NIPA1: variants seen among roughly 807,000 people sequenced by gnomAD.
The protein encoded by NIPA1 is NIPA magnesium transporter 1, also known as magnesium transporter NIPA1.
In NIPA1, 13 loss-of-function variants were observed where a neutral mutation model predicts 23.9. The ratio of observed to expected loss-of-function variants is 0.54; its 90% CI spans 0.35 to 0.87. The LOEUF (loss-of-function observed/expected upper bound fraction) is 0.87, where lower values mean the gene tolerates loss of function less well. Ranked by LOEUF, NIPA1 falls within the 40% of genes least tolerant of loss-of-function variation. The pLI, the probability that NIPA1 is intolerant of heterozygous loss-of-function variation, is 0.01. For missense variants in NIPA1, 362 were observed against 429.7 expected (o/e 0.84, Z 1.39); for synonymous variants, 234 against 202.9 (o/e 1.15, Z -1.30).
intron 2 of NIPA1, chr15:22,811,160 GT>G (rs1458207897): frequency 3.5e-6 from 1 of 286,920 alleles, no homozygotes; most frequent in East Asian, 7.5e-5. Flanking sequence ...GAAATTCCAT[GT>G]TAGGCTGCCT....
intron 3 of NIPA1, among the ~76,000 whole-genome samples, chr15:22,816,173 A>C (rs1182050447): frequency 2.1e-5 from 3 of 145,162 alleles, no homozygotes; most frequent in Non-Finnish European, 4.5e-5. Flanking sequence ...TTGGCAGAAG[A>C]CCTGATTTTT....
intron 1 of NIPA1, among the ~76,000 whole-genome samples, chr15:22,792,966 A>G (rs914139961): frequency 2.0e-5 from 3 of 152,048 alleles, no homozygotes; most frequent in Admixed American, 1.3e-4. Context: ...AAAAAAGAAC[A>G]AAAAGAATTG....
At chr15:22,822,059 C>G (rs1464902680) in intron 4 of NIPA1, among the ~76,000 whole-genome samples, 1 of 152,146 alleles carries the variant, frequency 6.6e-6, no homozygotes, top group Non-Finnish European at 1.5e-5. Flanking sequence ...CAGATATAGA[C>G]TGACGTGGGG....
chr15:22,818,963 T>A (rs1595645025), intron 3 of NIPA1, among the ~76,000 whole-genome samples: 1 of 152,104 alleles, frequency 6.6e-6, no homozygotes, highest in East Asian at 1.9e-4. Flanking sequence ...CCAGGCCCAC[T>A]TTTTGCCCTG....
intron 1 of NIPA1, among the ~76,000 whole-genome samples, chr15:22,809,899 T>G (rs1895285689): frequency 6.6e-6 from 1 of 151,894 alleles, no homozygotes; most frequent in Non-Finnish European, 1.5e-5. Flanking sequence ...CAAAATTAGC[T>G]GGGCATGGTG....
intron 1 of NIPA1, among the ~76,000 whole-genome samples, chr15:22,797,975 G>T (rs1894977117): frequency 6.6e-6 from 1 of 151,510 alleles, no homozygotes; most frequent in South Asian, 2.1e-4. Flanking sequence ...CTCCCCAGCA[G>T]CTGGGACCAC....
chr15:22,797,115 C>T (rs1894954510), intron 1 of NIPA1, among the ~76,000 whole-genome samples: 1 of 151,692 alleles, frequency 6.6e-6, no homozygotes, highest in South Asian at 2.1e-4. Flanking sequence ...TCTCAGCTCA[C>T]TGCAACTTCC....
At position 22,824,576 on chromosome 15, in the gene NIPA1, G is replaced by T; in HGVS notation, c.*337G>T. 6.1e-6 allele frequency: 2 copies of T among 327,364 alleles called. No individual in the cohort carries two copies. The highest frequency in any genetic ancestry group is 7.5e-5 in the East Asian group (1 of 13,294). The allele number at this position is 327,364 out of a possible 1,614,324, so 20.3% of individuals were successfully genotyped here. On this transcript the variant is annotated 3_prime_UTR_variant, in exon 5 of 5. Transcript: ENST00000337435. The surrounding 1 kb of genome is among the most constrained non-coding windows in gnomAD (Gnocchi z 4.1). ...AACAGAAAAAGATGGGCTCTTTCTG[G>T]TTAGTTGTTACATGATAGCAGAGAT...
intron 4 of NIPA1, among the ~76,000 whole-genome samples, chr15:22,823,487 A>T (rs1330449566): frequency 6.6e-6 from 1 of 152,238 alleles, no homozygotes; most frequent in African/African-American, 2.4e-5. Context: ...GGCATGAGCC[A>T]CCGCGTCTGG....
At chr15:22,819,348 C>G (rs540404655) in intron 3 of NIPA1, 1 of 152,142 alleles carries the variant, frequency 6.6e-6, no homozygotes, top group African/African-American at 2.4e-5. Flanking sequence ...CCGGACGTTC[C>G]TGTTTTCTGA....
intron 1 of NIPA1, among the ~76,000 whole-genome samples, chr15:22,789,518 AC>A (rs780014208): frequency 2.0e-5 from 3 of 152,092 alleles, no homozygotes; most frequent in Admixed American, 6.6e-5. Flanking sequence ...AGAGTCACTT[AC>A]GGCTGAGAGG....
intron 1 of NIPA1, among the ~76,000 whole-genome samples, chr15:22,788,909 GGC>G (rs1323902928): frequency 4.1e-5 from 2 of 49,120 alleles, no homozygotes; most frequent in South Asian, 6.7e-4. Context: ...AGAAGAACAA[GGC>G]TCTGTCTTAA....
In NIPA1 at chr15:22,827,421, C is replaced by T. The variant is rs1895675104; in HGVS notation, c.*3182C>T. On this transcript the variant is annotated 3_prime_UTR_variant, in exon 5 of 5. Coordinates refer to ENST00000337435, the MANE Select transcript of NIPA1 (RefSeq NM_144599.5). Reference sequence around the variant, plus strand: ...AAGGTGCTGGGGAGGGAAGTCCTTCCAGTGCCACATGGAGTGAGGCCCTGC... The same window carrying T: ...AAGGTGCTGGGGAGGGAAGTCCTTCTAGTGCCACATGGAGTGAGGCCCTGC... 1 of 152,230 alleles carries T rather than the reference C, an allele frequency of 6.6e-6. No individual in the cohort carries two copies. The highest frequency in any genetic ancestry group is 6.5e-5 in the Admixed American group (1 of 15,290). 9.4% of individuals were successfully genotyped at this position (152,230 alleles called of 1,614,324 possible). A position where few individuals can be genotyped will look rare whatever the true frequency, so the allele number is the denominator to read the frequency against.
At chr15:22,797,552 C>G (rs1390193364) in intron 1 of NIPA1, among the ~76,000 whole-genome samples, 1 of 132,432 alleles carries the variant, frequency 7.6e-6, no homozygotes, top group Non-Finnish European at 1.5e-5. Context: ...GTTTCCCAGG[C>G]CAGAGTGCAA....
rs1895678921 is a variant in NIPA1, at chr15:22,827,679, C to T, written c.*3440C>T. The T allele has an allele frequency of 1.3e-5, 2 of 152,194 alleles. No individual in the cohort carries two copies. Among genetic ancestry groups the T allele is most frequent in the South Asian group, 4.1e-4 (2 of 4,838 alleles). The allele number at this position is 152,194 out of a possible 1,614,324, so 9.4% of individuals were successfully genotyped here. A position where few individuals can be genotyped will look rare whatever the true frequency, so the allele number is the denominator to read the frequency against. The stretch of plus-strand genomic sequence containing the variant: ...GTTTGTTCTTCTTTGGATTTCACAT[C>T]TGTTTTCTGGTAGAAGTGAGCACTG... On this transcript the variant is annotated 3_prime_UTR_variant, in exon 5 of 5. Coordinates refer to ENST00000337435, the MANE Select transcript of NIPA1 (RefSeq NM_144599.5).
chr15:22,803,314 C>T (rs1895126328), intron 1 of NIPA1, among the ~76,000 whole-genome samples: 2 of 151,266 alleles, frequency 1.3e-5, no homozygotes, highest in Admixed American at 6.6e-5. Flanking sequence ...TGGGTTCTAC[C>T]GTATTATTGA....
chr15:22,792,445 G>A (rs937883818), intron 1 of NIPA1, among the ~76,000 whole-genome samples: 1 of 151,832 alleles, frequency 6.6e-6, no homozygotes, highest in African/African-American at 2.4e-5. Flanking sequence ...TGCAAGCTCC[G>A]CCTCCCAGGT....
chr15:22,816,243 C>T (rs537768659), intron 3 of NIPA1, among the ~76,000 whole-genome samples: 7 of 112,848 alleles, frequency 6.2e-5, no homozygotes, highest in African/African-American at 2.4e-4. Context: ...GGCTAGAGTT[C>T]AGTTGTGTGA....
intron 1 of NIPA1, among the ~76,000 whole-genome samples, chr15:22,810,131 C>T (rs1172097519): frequency 6.6e-6 from 1 of 152,130 alleles, no homozygotes; most frequent in East Asian, 1.9e-4. Context: ...CCATACACAC[C>T]TGTCAAGAGG....
Sources: gnomAD v4.1 joint callset for allele counts (sites outside exome capture counted in the v4.1 genomes callset) on GRCh38, gnomAD v4.1.1 for gene constraint, Gnocchi (gnomAD v3.1) non-coding constraint, MANE v1.5 for transcripts, NCBI Gene and HGNC (gene_info 2026-07-23, HGNC 2026-07-21) for gene names.